The following UBE2D3 variants were observed in gnomAD, a reference collection of about 807,000 sequenced individuals.
UBE2D3 encodes ubiquitin-conjugating enzyme E2 D3.
A neutral mutation model predicts 22.8 loss-of-function variants in UBE2D3; 2 were observed. That is an observed-to-expected ratio of 0.09 (90% CI 0.04 to 0.28). UBE2D3 has a LOEUF of 0.28. UBE2D3 is among the 10% of genes least tolerant of loss of function. The pLI, the probability that UBE2D3 is intolerant of heterozygous loss-of-function variation, is 1.00. For missense variants in UBE2D3, 27 were observed against 182.5 expected, an observed-to-expected ratio of 0.15 and a Z score of 4.91; for synonymous variants, 56 against 60.4, an observed-to-expected ratio of 0.93 and a Z score of 0.34.
rs145604549 is a variant in UBE2D3 at position 102,794,468 on chromosome 4, T to C, written c.*2947A>G. 74 of 152,196 alleles carry C rather than the reference T, an allele frequency of 4.9e-4. No individual in the cohort carries two copies. Among genetic ancestry groups the C allele is most frequent in the African/African-American group, 1.7e-3 (69 of 41,532 alleles). The allele number at this position is 152,196 out of a possible 1,614,324, so 9.4% of individuals were successfully genotyped here. A position where few individuals can be genotyped will look rare whatever the true frequency, so the allele number is the denominator to read the frequency against. On this transcript the variant is annotated 3_prime_UTR_variant, in exon 8 of 8. Transcript: ENST00000453744. ...TACAAGTCTTATGCAGATGTCACTA[T>C]TAGACAATATTTAGTGACTTGCACT...
At chr4:102,825,644 T>G (rs1730333759) in intron 2 of UBE2D3, 26 of 1,064,162 alleles carry the variant, frequency 2.4e-5, no homozygotes, top group Non-Finnish European at 3.3e-5. Context: ...TCAACTTAAA[T>G]CGATAATATA....
chr4:102,827,100 C>T, intron 1 of UBE2D3: 1 of 987,474 alleles, frequency 1.0e-6, no homozygotes, highest in Non-Finnish European at 1.2e-6. Flanking sequence ...ATGTGTATTG[C>T]TATCCTCGCA....
intron 1 of UBE2D3, among the ~76,000 whole-genome samples, chr4:102,858,555 G>A (rs1034548815): frequency 6.6e-6 from 1 of 151,708 alleles, no homozygotes; most frequent in African/African-American, 2.4e-5. Context: ...ACAAGGTGTC[G>A]TTTAAAGTTT....
chr4:102,825,631 T>G, intron 2 of UBE2D3: 1 of 1,168,676 alleles, frequency 8.6e-7, no homozygotes, highest in Non-Finnish European at 1.1e-6. Context: ...TCCTAGTTTT[T>G]TTTCAACTTA....
At chr4:102,862,107 G>A (rs907948989) in intron 1 of UBE2D3, among the ~76,000 whole-genome samples, 2 of 151,864 alleles carry the variant, frequency 1.3e-5, no homozygotes, top group Non-Finnish European at 2.9e-5. Flanking sequence ...TTTCAAAATA[G>A]TTTCGCCATG....
At chr4:102,860,302 A>G (rs1228053717) in intron 1 of UBE2D3, among the ~76,000 whole-genome samples, 2 of 151,074 alleles carry the variant, frequency 1.3e-5, no homozygotes, top group African/African-American at 4.9e-5. Flanking sequence ...CAACTGCTAG[A>G]ACTTTAATTT....
At position 102,806,486 on chromosome 4, in the gene UBE2D3, G is replaced by C. The variant is rs767311812; in HGVS notation, c.120+3186C>G. On this transcript the variant is annotated intron_variant, in intron 4 of 7. Transcript: ENST00000453744. ...GGTATCAGTAACCTACGTGGGAAAT[G>C]ACATAATAATACACTTGAAAAAAAA... is the stretch of plus-strand genomic sequence containing the variant. Among the ~76,000 whole-genome samples, 46 of 152,020 alleles carry C rather than the reference G, an allele frequency of 3.0e-4. 1 individual carries two copies. The highest frequency in any genetic ancestry group is 3.4e-3 in the Middle Eastern group (1 of 294).
At chr4:102,821,865 T>A (rs1729672951) in intron 2 of UBE2D3, among the ~76,000 whole-genome samples, 1 of 152,186 alleles carries the variant, frequency 6.6e-6, no homozygotes, top group Non-Finnish European at 1.5e-5. Context: ...ATATATAATA[T>A]TCAGTAAGCT....
At chr4:102,853,146 T>C (rs1190893535) in intron 1 of UBE2D3, among the ~76,000 whole-genome samples, 3 of 117,986 alleles carry the variant, frequency 2.5e-5, no homozygotes, top group African/African-American at 7.3e-5. Flanking sequence ...TTTTTTTTTT[T>C]TTTTTTTTTT....
intron 2 of UBE2D3, among the ~76,000 whole-genome samples, chr4:102,819,770 G>C (rs758037674): frequency 1.8e-4 from 27 of 152,148 alleles, no homozygotes; most frequent in Admixed American, 7.2e-4. Context: ...ATCACACAAA[G>C]GTCATACAGA....
At chr4:102,817,587 G>A (rs750443199) in intron 2 of UBE2D3, among the ~76,000 whole-genome samples, 1 of 152,126 alleles carries the variant, frequency 6.6e-6, no homozygotes, top group Non-Finnish European at 1.5e-5. Flanking sequence ...TCCTTGCAAA[G>A]ATAATTTAAT....
chr4:102,864,041 A>T (rs1733030434), intron 1 of UBE2D3, among the ~76,000 whole-genome samples: 1 of 152,244 alleles, frequency 6.6e-6, no homozygotes, highest in Non-Finnish European at 1.5e-5. Flanking sequence ...GGTAAAAAAA[A>T]TGATGAAGAT....
chr4:102,863,115 A>C lies in UBE2D3; in HGVS notation c.-129+5600T>G, dbSNP rs1052012884. Among the ~76,000 whole-genome samples, 51 of 152,142 alleles carry C rather than the reference A, an allele frequency of 3.4e-4. 1 individual carries two copies. The highest frequency in any genetic ancestry group is 2.6e-4 in the Non-Finnish European group (18 of 67,992). On this transcript the variant is annotated intron_variant, in intron 1 of 7. Coordinates refer to the UBE2D3 transcript ENST00000338145. ...GCCCATGCTGGAGTGCAGTGGCACA[A>C]TCTTGGCTCATAGCAACCTCCGTCT...
intron 2 of UBE2D3, chr4:102,811,246 T>A (rs1727970029): frequency 6.6e-6 from 1 of 152,378 alleles, no homozygotes; most frequent in South Asian, 2.1e-4. Flanking sequence ...CTCAGAAGAC[T>A]GAGGTGGGAG....
intron 1 of UBE2D3, among the ~76,000 whole-genome samples, chr4:102,835,315 A>G (rs566904982): frequency 6.6e-6 from 1 of 152,244 alleles, no homozygotes; most frequent in Non-Finnish European, 1.5e-5. Flanking sequence ...ACTAAGTATT[A>G]TAAGCAATCT....
chr4:102,866,777 A>G (rs1162438990), intron 1 of UBE2D3, among the ~76,000 whole-genome samples: 5 of 152,174 alleles, frequency 3.3e-5, no homozygotes, highest in African/African-American at 1.2e-4. Context: ...CTAAGAGAAG[A>G]AACGAATAGG....
chr4:102,803,051 G>A (rs1028258700), intron 4 of UBE2D3, among the ~76,000 whole-genome samples: 4 of 152,108 alleles, frequency 2.6e-5, no homozygotes, highest in Non-Finnish European at 2.9e-5. Flanking sequence ...CTGCCCACTG[G>A]CAAACCAAAT....
At position 102,860,614 on chromosome 4, in the gene UBE2D3, G is replaced by A. The variant is rs1255739798; in HGVS notation, c.-129+8101C>T. ...ATTCCATTCCTCTTGTTCTGTCTTG[G>A]GAGGGGAAGTCTTAGGATTGTGTGC... On this transcript the variant is annotated intron_variant, in intron 1 of 7. Coordinates refer to the UBE2D3 transcript ENST00000338145. Among the ~76,000 whole-genome samples the A allele has an allele frequency of 2.0e-5, 3 of 151,802 alleles. No homozygotes were observed. In the East Asian group the frequency reaches 5.8e-4, roughly 29 times the overall value.
At chr4:102,813,434 G>A (rs991738614) in intron 2 of UBE2D3, among the ~76,000 whole-genome samples, 1 of 152,294 alleles carries the variant, frequency 6.6e-6, no homozygotes, top group Middle Eastern at 3.4e-3. Flanking sequence ...GGAAGAAAAG[G>A]TGACGCTAAG....
Sources: allele counts gnomAD v4.1 joint callset (sites outside exome capture counted in the v4.1 genomes callset), GRCh38; gene constraint gnomAD v4.1.1; transcripts MANE v1.5; gene names NCBI Gene and HGNC (gene_info 2026-07-23, HGNC 2026-07-21).